Variants in WDFY1 observed in about 807,000 individuals in gnomAD.
WDFY1 encodes WD repeat and FYVE domain-containing protein 1.
In WDFY1, 32 loss-of-function variants were observed where a neutral mutation model predicts 56.4. The observed-to-expected ratio is 0.57, with a 90% confidence interval of 0.43 to 0.76. The LOEUF is 0.76. Ranked by LOEUF, WDFY1 falls within the 30% of genes least tolerant of loss-of-function variation. The pLI, the probability that WDFY1 is intolerant of heterozygous loss-of-function variation, is 0.00. For synonymous variants in WDFY1, 192 were observed against 197.3 expected (o/e 0.97, Z 0.23); for missense variants, 480 against 545.7 (o/e 0.88, Z 1.20).
chr2:223,911,673 G>A (rs909703479), intron 3 of WDFY1, among the ~76,000 whole-genome samples: 4 of 150,934 alleles, frequency 2.7e-5, no homozygotes, highest in Admixed American at 6.6e-5. Flanking sequence ...TATAGGTGAC[G>A]TATTCACTCT....
At chr2:223,911,786 C>A (rs1420283375) in intron 3 of WDFY1, among the ~76,000 whole-genome samples, 2 of 151,570 alleles carry the variant, frequency 1.3e-5, no homozygotes, top group East Asian at 1.9e-4. Context: ...TAATTTAATC[C>A]ATTTTTGACC....
intron 1 of WDFY1, among the ~76,000 whole-genome samples, chr2:223,936,656 T>A (rs138785090): frequency 2.0e-4 from 30 of 152,334 alleles, no homozygotes; most frequent in Admixed American, 3.3e-4. Context: ...GGCAGGTGTC[T>A]GGGACCTTGT....
chr2:223,891,221 T>C (rs11900714), intron 8 of WDFY1, among the ~76,000 whole-genome samples: 2,143 of 151,358 alleles, frequency 0.014, 40 homozygotes, highest in Middle Eastern at 0.058. Flanking sequence ...ACTAAAAATA[T>C]AAAATATTAG....
intron 1 of WDFY1, among the ~76,000 whole-genome samples, chr2:223,928,086 T>C (rs1361983225): frequency 3.9e-5 from 6 of 152,038 alleles, no homozygotes; most frequent in Non-Finnish European, 7.4e-5. Context: ...ACAATTACAA[T>C]AGTAATATCA....
rs116686560 is a variant in WDFY1, at chr2:223,935,181, C to T, written c.137+9967G>A. On this transcript the variant is annotated intron_variant, in intron 1 of 11. Transcript: ENST00000233055. ...GGTTGCACTATAAGCACCCTCATCTCCCCATTAACCTTTGCAACTGGACTC... is the reference window on the plus strand; with the variant it reads ...GGTTGCACTATAAGCACCCTCATCTTCCCATTAACCTTTGCAACTGGACTC... 3.5e-3 allele frequency among the ~76,000 whole-genome samples: 535 copies of T among 152,214 alleles called. 3 individuals are homozygous for T. Among genetic ancestry groups the T allele is most frequent in the Non-Finnish European group, 5.6e-3 (383 of 67,996 alleles).
chr2:223,918,103 C>A, intron 1 of WDFY1, 93 bp from the exon 2 acceptor site: 1 of 1,356,376 alleles, frequency 7.4e-7, no homozygotes, highest in Non-Finnish European at 1.0e-6. Flanking sequence ...TTGTTTAACA[C>A]TATTTCCTAA....
chr2:223,882,151 G>C, intron 9 of WDFY1, 79 bp from the exon 10 acceptor site: 1 of 1,509,366 alleles, frequency 6.6e-7, no homozygotes, highest in Non-Finnish European at 8.9e-7. Flanking sequence ...GTCTCACTCT[G>C]TCACCCAGGC....
intron 11 of WDFY1, among the ~76,000 whole-genome samples, chr2:223,879,247 A>G (rs1693024167): frequency 1.3e-5 from 2 of 152,244 alleles, no homozygotes; most frequent in African/African-American, 4.8e-5. Context: ...AATAAAGCAT[A>G]TAGGTAGTGT....
intron 1 of WDFY1, among the ~76,000 whole-genome samples, chr2:223,938,114 C>T (rs1689232657): frequency 6.6e-6 from 1 of 152,156 alleles, no homozygotes; most frequent in South Asian, 2.1e-4. Flanking sequence ...AGCCTAAGTG[C>T]AACATCTCAA....
At chr2:223,929,928 GGTAA>G (rs1221558291) in intron 1 of WDFY1, among the ~76,000 whole-genome samples, 8 of 152,146 alleles carry the variant, frequency 5.3e-5, no homozygotes, top group Middle Eastern at 3.2e-3. Context: ...AGCCTTATGT[GGTAA>G]GTAAGTAAAA....
Position 223,905,940 on chromosome 2 carries a change from T to C in WDFY1, c.334+7A>G. 6.4e-7 allele frequency: 1 copy of C among 1,559,432 alleles called. No homozygotes were observed. The highest frequency in any genetic ancestry group is 8.7e-7 in the Non-Finnish European group (1 of 1,153,444). On this transcript the variant is annotated splice_region_variant and intron_variant, in intron 4 of 11. Coordinates refer to ENST00000233055, the MANE Select transcript of WDFY1 (RefSeq NM_020830.5). ...TGTGTACGCAAGATAATGTGTATTATAATTACCTGGGTAGGTCTTGATAAA... is the reference window on the plus strand; with the variant it reads ...TGTGTACGCAAGATAATGTGTATTACAATTACCTGGGTAGGTCTTGATAAA...
intron 1 of WDFY1, among the ~76,000 whole-genome samples, chr2:223,935,602 T>G (rs1300649012): frequency 6.6e-6 from 1 of 152,214 alleles, no homozygotes; most frequent in East Asian, 1.9e-4. Context: ...GCAGAGGAAA[T>G]GTCTACTGTG....
chr2:223,914,234 T>G (rs182472215), intron 2 of WDFY1, among the ~76,000 whole-genome samples: 2 of 152,152 alleles, frequency 1.3e-5, no homozygotes. Context: ...TGACCTCAAA[T>G]GATCAGCCTG....
At chr2:223,933,784 C>A (rs922826521) in intron 1 of WDFY1, among the ~76,000 whole-genome samples, 1 of 117,346 alleles carries the variant, frequency 8.5e-6, no homozygotes, top group East Asian at 2.2e-4. Flanking sequence ...TAGTGAGACC[C>A]CCCCCCATCT....
In WDFY1 at chr2:223,910,237, T is replaced by A; in HGVS notation, c.279+2016A>T. On this transcript the variant is annotated intron_variant, in intron 3 of 11. Transcript: ENST00000233055. ...GAATAAATGTGGAACCCCTCCCTGA[T>A]ACCACTATAGGAATTAACTTACAAT... is the stretch of plus-strand genomic sequence containing the variant. Among the ~76,000 whole-genome samples, 2 of 152,158 alleles carry A rather than the reference T, an allele frequency of 1.3e-5. 1 individual carries two copies. The highest frequency in any genetic ancestry group is 3.9e-4 in the East Asian group (2 of 5,192).
At chr2:223,936,255 T>A (rs938964021) in intron 1 of WDFY1, among the ~76,000 whole-genome samples, 1 of 151,824 alleles carries the variant, frequency 6.6e-6, no homozygotes, top group Admixed American at 6.6e-5. Flanking sequence ...AGAGACAGAG[T>A]TTGACTATGT....
At chr2:223,883,044 T>C (rs1247514419) in intron 9 of WDFY1, among the ~76,000 whole-genome samples, 1 of 152,104 alleles carries the variant, frequency 6.6e-6, no homozygotes, top group African/African-American at 2.4e-5. Flanking sequence ...GGTTTTAAAA[T>C]AAGTTTTATT....
At position 223,877,603 on chromosome 2, in the gene WDFY1, T is replaced by C. The variant is rs1308481645; in HGVS notation, c.*1068A>G. ...AAGCAATTTATGAGTTGGGAATTAT[T>C]GTGGAAGACTTGATGGATGATTATA... is the stretch of plus-strand genomic sequence containing the variant. On this transcript the variant is annotated 3_prime_UTR_variant, in exon 12 of 12. Transcript: ENST00000233055. 1 of 152,252 alleles carries C rather than the reference T, an allele frequency of 6.6e-6. No homozygotes were observed. Among genetic ancestry groups the C allele is most frequent in the African/African-American group, 2.4e-5 (1 of 41,476 alleles). The allele number at this position is 152,252 out of a possible 1,614,324, so 9.4% of individuals were successfully genotyped here. A position where few individuals can be genotyped will look rare whatever the true frequency, so the allele number is the denominator to read the frequency against.
intron 1 of WDFY1, among the ~76,000 whole-genome samples, chr2:223,943,184 TAA>T (rs11311599): frequency 1.2e-3 from 158 of 137,150 alleles, no homozygotes; most frequent in East Asian, 1.3e-3. Context: ...GCCTCCATCT[TAA>T]AAAAAAAAAA....
Sources: allele counts gnomAD v4.1 joint callset (sites outside exome capture counted in the v4.1 genomes callset), GRCh38; gene constraint gnomAD v4.1.1; transcripts MANE v1.5; gene names NCBI Gene and HGNC (gene_info 2026-07-23, HGNC 2026-07-21).